Variants in FRMPD4 observed in about 807,000 individuals in gnomAD.
FRMPD4 encodes the protein FERM and PDZ domain-containing protein 4.
FRMPD4 carries 22 observed loss-of-function variants against 94.1 expected under a neutral mutation model. The observed-to-expected ratio is 0.23, with a 90% CI of 0.17 to 0.33. The LOEUF (loss-of-function observed/expected upper bound fraction) is 0.33. Among genes scored for constraint, FRMPD4 ranks in the 10% least tolerant of loss-of-function variants. The probability of loss-of-function intolerance (pLI) is 1.00; values close to 1 mark genes in which losing one functional copy is unlikely to be tolerated. For missense variants in FRMPD4, 1,111 were observed against 1,339.9 expected (o/e 0.83, Z 2.67); for synonymous variants, 631 against 548.6 (o/e 1.15, Z -2.10).
chrX:12,280,247 A>AAATAATAATAAGAATAATAATAAT (rs2054502659), intron 1 of FRMPD4, among the ~76,000 whole-genome samples: 1 of 102,224 alleles, frequency 9.8e-6, no homozygotes, highest in Non-Finnish European at 2.0e-5. Flanking sequence ...GGCTGCTTTA[A>AAATAATAATAAGAATAATAATAAT]AATAATAATA....
chrX:12,019,763 G>A (rs1434598534), intron 3 of FRMPD4, among the ~76,000 whole-genome samples: 1 of 110,639 alleles, frequency 9.0e-6, no homozygotes, highest in African/African-American at 3.3e-5. Flanking sequence ...ATCTATCAAG[G>A]CCAAGTTCAA....
chrX:12,144,193 G>A (rs186868403), intron 1 of FRMPD4, among the ~76,000 whole-genome samples: 68 of 112,180 alleles, frequency 6.1e-4, no homozygotes, highest in Non-Finnish European at 7.5e-5. Flanking sequence ...AGTGGATTTA[G>A]TTGTAGTCAG....
At chrX:12,012,181 G>A (rs1348572504) in intron 3 of FRMPD4, among the ~76,000 whole-genome samples, 1 of 111,660 alleles carries the variant, frequency 9.0e-6, no homozygotes, top group African/African-American at 3.3e-5. Flanking sequence ...TTACAAGCGT[G>A]AGCCACTGCG....
intron 1 of FRMPD4, among the ~76,000 whole-genome samples, chrX:12,274,299 C>T (rs113718266): frequency 0.015 from 1,670 of 111,595 alleles, 29 homozygotes; most frequent in African/African-American, 0.051. Context: ...GGCTACAAAT[C>T]GCCAGAACTC....
chrX:12,678,737 A>G (rs1165847361), intron 5 of FRMPD4, among the ~76,000 whole-genome samples: 1 of 112,290 alleles, frequency 8.9e-6, no homozygotes, highest in South Asian at 3.7e-4. Flanking sequence ...AGGCAGGAGA[A>G]TCACTTGAAC....
intron 1 of FRMPD4, among the ~76,000 whole-genome samples, chrX:12,271,335 A>T (rs375992729): frequency 1.8e-5 from 2 of 112,260 alleles, no homozygotes; most frequent in Non-Finnish European, 3.8e-5. Flanking sequence ...ACACACAGAG[A>T]TATCTTCCCC....
chrX:12,075,640 T>C (rs1374314597), intron 3 of FRMPD4, among the ~76,000 whole-genome samples: 1 of 111,930 alleles, frequency 8.9e-6, no homozygotes, highest in Non-Finnish European at 1.9e-5. Flanking sequence ...GCCAGCCAAC[T>C]AGCATTGTGG....
intron 1 of FRMPD4, among the ~76,000 whole-genome samples, chrX:12,319,526 A>G (rs775370720): frequency 1.8e-5 from 2 of 111,580 alleles, no homozygotes; most frequent in East Asian, 5.6e-4. Context: ...AAGGGAAGAT[A>G]GTTTCTCCCC....
chrX:12,704,157 C>A (rs1425535204), intron 10 of FRMPD4, among the ~76,000 whole-genome samples: 1 of 112,487 alleles, frequency 8.9e-6, no homozygotes, highest in Non-Finnish European at 1.9e-5. Context: ...GAACAGATTT[C>A]TTTTTAAATG....
chrX:12,096,657 G>T (rs1283550061), intron 3 of FRMPD4, among the ~76,000 whole-genome samples: 1 of 111,802 alleles, frequency 8.9e-6, no homozygotes, highest in Non-Finnish European at 1.9e-5. Context: ...GGCTGGGGCA[G>T]TAGGGTTACT....
At chrX:12,436,217 G>A (rs1224454667) in intron 1 of FRMPD4, among the ~76,000 whole-genome samples, 1 of 111,053 alleles carries the variant, frequency 9.0e-6, no homozygotes, top group Non-Finnish European at 1.9e-5. Flanking sequence ...GTTGGCCTGA[G>A]CGGTCTCAAA....
chrX:12,137,321 A>G (rs920184650), upstream of FRMPD4, among the ~76,000 whole-genome samples: 1 of 113,108 alleles, frequency 8.8e-6, no homozygotes, highest in Non-Finnish European at 1.9e-5. Flanking sequence ...CTTAAAAAAA[A>G]CGCTTTAGTA....
intron 14 of FRMPD4, 29 bp downstream of exon 14, chrX:12,710,566 T>G: frequency 8.6e-7 from 1 of 1,158,576 alleles, no homozygotes; most frequent in Non-Finnish European, 1.2e-6. Flanking sequence ...CATCAAGCAC[T>G]GACCTCCCTG....
intron 3 of FRMPD4, among the ~76,000 whole-genome samples, chrX:11,896,718 T>C (rs1209978431): frequency 8.9e-6 from 1 of 112,368 alleles, no homozygotes; most frequent in Non-Finnish European, 1.9e-5. Context: ...GTAGTTCATG[T>C]CAAGTGACCA....
At chrX:12,160,097 G>T (rs2056000129) in intron 1 of FRMPD4, among the ~76,000 whole-genome samples, 1 of 109,901 alleles carries the variant, frequency 9.1e-6, no homozygotes. Flanking sequence ...GTGTGTGTGT[G>T]TATGTGCCTG....
Position 11,862,554 on chromosome X carries a change from CT to C in FRMPD4, c.-160-2531del, listed in dbSNP as rs752548242. ...CAGACCTCCTACAGTTGTGTCAGGG[CT>C]CCAGCTCCTACAGTCTATAATCCCT... is the stretch of plus-strand genomic sequence containing the variant. On this transcript the variant is annotated intron_variant, in intron 1 of 18. Coordinates refer to the FRMPD4 transcript ENST00000640291. 1.4e-3 allele frequency among the ~76,000 whole-genome samples: 151 copies of C among 110,909 alleles called. 1 individual carries two copies. The highest frequency in any genetic ancestry group is 1.9e-3 in the Non-Finnish European group (103 of 52,825).
At chrX:12,257,109 T>C (rs1265579457) in intron 1 of FRMPD4, among the ~76,000 whole-genome samples, 2 of 112,215 alleles carry the variant, frequency 1.8e-5, no homozygotes, top group Non-Finnish European at 3.8e-5. Flanking sequence ...TTATTTGGCT[T>C]TACTAGTATA....
intron 1 of FRMPD4, among the ~76,000 whole-genome samples, chrX:12,351,108 G>T (rs890143247): frequency 4.2e-4 from 45 of 107,739 alleles, no homozygotes; most frequent in African/African-American, 1.5e-3. Flanking sequence ...GGAGTTGGAG[G>T]TTGCAGTGAG....
intron 1 of FRMPD4, among the ~76,000 whole-genome samples, chrX:12,276,386 A>G (rs760150594): frequency 8.9e-6 from 1 of 112,321 alleles, no homozygotes; most frequent in South Asian, 3.8e-4. Context: ...CAATCAATAC[A>G]TGTAAGATGT....
Sources: gnomAD v4.1 joint callset for allele counts (sites outside exome capture counted in the v4.1 genomes callset) on GRCh38, gnomAD v4.1.1 for gene constraint, MANE v1.5 for transcripts, NCBI Gene and HGNC (gene_info 2026-07-23, HGNC 2026-07-21) for gene names.